The following TIAM1 variants were observed in gnomAD, a reference collection of about 807,000 sequenced individuals.
The protein encoded by TIAM1 is rho guanine nucleotide exchange factor TIAM1.
In TIAM1, 65 loss-of-function variants were observed where a neutral mutation model predicts 163.5. The observed-to-expected ratio is 0.40, with a 90% confidence interval of 0.33 to 0.49. The LOEUF (loss-of-function observed/expected upper bound fraction) is 0.49, where lower values mean the gene tolerates loss of function less well. Ranked by LOEUF, TIAM1 falls within the 20% of genes least tolerant of loss-of-function variation. TIAM1 has a pLI of 0.77. For missense variants in TIAM1, 1,789 were observed against 2,044.7 expected (o/e 0.87, Z 2.41); for synonymous variants, 833 against 810.1 (o/e 1.03, Z -0.48).
chr21:31,364,521 T>C (rs572991185), intron 2 of TIAM1, among the ~76,000 whole-genome samples: 1 of 152,192 alleles, frequency 6.6e-6, no homozygotes, highest in South Asian at 2.1e-4. Context: ...GAGCATGTGA[T>C]GGTAGAATTG....
intron 15 of TIAM1, among the ~76,000 whole-genome samples, chr21:31,174,279 G>A (rs776549557): frequency 6.6e-5 from 10 of 152,232 alleles, no homozygotes; most frequent in African/African-American, 1.2e-4. Context: ...CAGACCAAGC[G>A]GCTGTCCGTG....
intron 2 of TIAM1, among the ~76,000 whole-genome samples, chr21:31,354,743 T>C (rs1174976414): frequency 6.6e-6 from 1 of 152,032 alleles, no homozygotes; most frequent in Admixed American, 6.6e-5. Context: ...AGCCAGCAAG[T>C]TGACAAACAC....
intron 2 of TIAM1, among the ~76,000 whole-genome samples, chr21:31,454,772 C>T (rs1479426836): frequency 1.3e-5 from 2 of 152,114 alleles, no homozygotes; most frequent in Admixed American, 6.6e-5. Flanking sequence ...CTAGAATGAA[C>T]CTTGTGGAGC....
At chr21:31,527,095 C>T (rs1310374747) in intron 1 of TIAM1, among the ~76,000 whole-genome samples, 1 of 152,140 alleles carries the variant, frequency 6.6e-6, no homozygotes, top group Non-Finnish European at 1.5e-5. Flanking sequence ...ACCGGAGAAA[C>T]TGGGCTCCAA....
At chr21:31,551,948 A>G (rs910508752) in intron 1 of TIAM1, among the ~76,000 whole-genome samples, 2 of 152,150 alleles carry the variant, frequency 1.3e-5, no homozygotes, top group African/African-American at 4.8e-5. Context: ...CTGGATGGGA[A>G]TAAAACAGGA....
rs1569032325 is a variant in TIAM1 at position 31,210,649 on chromosome 21, GAAA to G, written c.2218-437_2218-435del. On this transcript the variant is annotated intron_variant, in intron 10 of 27. Transcript: ENST00000541036. ...AGAAAGAAAGAAAGAAAGAAAGAAA[GAAA>G]GAAAGAAAGAAAGAAAAAGAAAGAA... 4.4e-3 allele frequency among the ~76,000 whole-genome samples: 121 copies of G among 27,554 alleles called. 2 individuals carry two copies. The highest frequency in any genetic ancestry group is 0.013 in the African/African-American group (71 of 5,416). 18.1% of individuals were successfully genotyped at this position (27,554 alleles called of 152,430 possible). A position where few individuals can be genotyped will look rare whatever the true frequency, so the allele number is the denominator to read the frequency against.
chr21:31,202,480 CA>C lies in TIAM1; in HGVS notation c.2493+427del, dbSNP rs201930478. 5.9e-3 allele frequency among the ~76,000 whole-genome samples: 904 copies of C among 152,266 alleles called. 8 individuals are homozygous for C. Among genetic ancestry groups the C allele is most frequent in the African/African-American group, 0.019 (803 of 41,550 alleles). On this transcript the variant is annotated intron_variant, in intron 12 of 27. Coordinates refer to ENST00000541036, the MANE Select transcript of TIAM1 (RefSeq NM_001353694.2). ...ACTCAGGAGGCTGGCACAGGAGGACCACTTAAGCCCAGTAGTTCAAGGTTGA... is the reference window on the plus strand; with the variant it reads ...ACTCAGGAGGCTGGCACAGGAGGACCCTTAAGCCCAGTAGTTCAAGGTTGA...
At chr21:31,168,369 G>A (rs1601392433) in intron 15 of TIAM1, among the ~76,000 whole-genome samples, 1 of 151,996 alleles carries the variant, frequency 6.6e-6, no homozygotes, top group African/African-American at 2.4e-5. Context: ...TGGGATTAGA[G>A]GCATGAGCCA....
At chr21:31,209,988 A>G in intron 11 of TIAM1, 57 bp downstream of exon 11, 1 of 1,553,570 alleles carries the variant, frequency 6.4e-7, no homozygotes, top group Admixed American at 1.9e-5. Flanking sequence ...GTGCCTTAGA[A>G]GATTGCTACA....
In TIAM1 at chr21:31,144,830, G is replaced by GAAA. The variant is rs764835303; in HGVS notation, c.3475+2062_3475+2064dup. On this transcript the variant is annotated intron_variant, in intron 20 of 27. Transcript: ENST00000541036. ...GGTGACAGAGTGAGACTCCATCTCA[G>GAAA]AAAAAAAAAAAAAAAAAAAAAAGAA... is the stretch of plus-strand genomic sequence containing the variant. 5.2e-3 allele frequency among the ~76,000 whole-genome samples: 385 copies of GAAA among 74,180 alleles called. 11 individuals are homozygous for GAAA. The highest frequency in any genetic ancestry group is 0.016 in the African/African-American group (295 of 18,224). 48.7% of individuals were successfully genotyped at this position (74,180 alleles called of 152,430 possible).
At chr21:31,272,510 CACA>C (rs2073103690) in intron 3 of TIAM1, among the ~76,000 whole-genome samples, 1 of 150,200 alleles carries the variant, frequency 6.7e-6, no homozygotes, top group South Asian at 2.1e-4. Flanking sequence ...TAGAACTATA[CACA>C]TATATTGAAA....
chr21:31,309,434 G>A (rs1238259186), intron 2 of TIAM1, among the ~76,000 whole-genome samples: 3 of 152,066 alleles, frequency 2.0e-5, no homozygotes, highest in Admixed American at 2.0e-4. Flanking sequence ...TTCCATCCTG[G>A]GCGACAGAGT....
intron 4 of TIAM1, among the ~76,000 whole-genome samples, chr21:31,264,552 C>G (rs1345533632): frequency 6.6e-6 from 1 of 152,186 alleles, no homozygotes; most frequent in Non-Finnish European, 1.5e-5. Context: ...ACAACTTACC[C>G]AAAGTCACTC....
chr21:31,546,942 C>T (rs2123299942), intron 1 of TIAM1, among the ~76,000 whole-genome samples: 1 of 117,924 alleles, frequency 8.5e-6, no homozygotes, highest in Admixed American at 9.2e-5. Flanking sequence ...AGCTGCAGGG[C>T]TGTGCCCCAA....
chr21:31,146,955 A>T lies in TIAM1; in HGVS notation c.3415T>A (p.Phe1139Ile), dbSNP rs755045050. ...GGSFLYYADR[F>I]KLYSAFCASH... ...GCGCAGAAGGCACTGTAGAGCTTGA[A>T]GCGGTCAGCATAATACAGGAATGAT... The change falls in exon 20 of 28, where the codon TTC becomes ATC. Residue 1139 changes from phenylalanine (F) to isoleucine (I), a missense_variant. By Grantham distance (21) the Phe-to-Ile change is conservative (BLOSUM62 0). Around this residue, in one of 5 missense-constraint regions of TIAM1, gnomAD observed 303 missense variants for 321.3 expected, o/e 0.94. Transcript: ENST00000541036. 1 of 1,614,138 alleles carries T rather than the reference A, an allele frequency of 6.2e-7. No homozygotes were observed. Among genetic ancestry groups the T allele is most frequent in the African/African-American group, 1.3e-5 (1 of 75,030 alleles).
At chr21:31,150,506 G>C (rs1172893411) in intron 19 of TIAM1, among the ~76,000 whole-genome samples, 1 of 151,968 alleles carries the variant, frequency 6.6e-6, no homozygotes, top group East Asian at 1.9e-4. Flanking sequence ...GCAACAAACA[G>C]GATTAGAAAA....
rs61401734 is a variant in TIAM1 at position 31,259,629 on chromosome 21, A to AAATAATAATAAT, written c.963+6369_963+6380dup. Among the ~76,000 whole-genome samples, 904 of 146,254 alleles carry AAATAATAATAAT rather than the reference A, an allele frequency of 6.2e-3. 3 individuals are homozygous for AAATAATAATAAT. The highest frequency in any genetic ancestry group is 0.023 in the South Asian group (107 of 4,572). ...ACAGCAAGACCTGTCTAAAAAAATAAAATAATAATAATAATAATAATAATA... is the reference window on the plus strand; with the variant it reads ...ACAGCAAGACCTGTCTAAAAAAATAAAATAATAATAATAATAATAATAATAATAATAATAATA... On this transcript the variant is annotated intron_variant, in intron 4 of 27. Transcript: ENST00000541036.
intron 1 of TIAM1, among the ~76,000 whole-genome samples, chr21:31,541,405 C>T (rs113858525): frequency 4.6e-5 from 7 of 152,016 alleles, no homozygotes; most frequent in African/African-American, 1.4e-4. Context: ...TGCACTGAGC[C>T]AAGATCATGC....
At chr21:31,373,541 T>C (rs1271727154) in intron 2 of TIAM1, among the ~76,000 whole-genome samples, 5 of 152,058 alleles carry the variant, frequency 3.3e-5, no homozygotes, top group Non-Finnish European at 5.9e-5. Context: ...CCAAACCATA[T>C]CATGCTCATA....
Sources: gnomAD v4.1 joint callset for allele counts (sites outside exome capture counted in the v4.1 genomes callset) on GRCh38, gnomAD v4.1.1 for gene constraint, gnomAD v4.1.1 regional missense constraint, MANE v1.5 for transcripts, NCBI Gene and HGNC (gene_info 2026-07-23, HGNC 2026-07-21) for gene names.